Variants in LRRC4C observed in about 807,000 individuals in gnomAD.
The protein encoded by LRRC4C is leucine rich repeat containing 4C.
A neutral mutation model predicts 33.6 loss-of-function variants in LRRC4C; 5 were observed. The observed-to-expected ratio is 0.15, with a 90% confidence interval of 0.08 to 0.31. The LOEUF (loss-of-function observed/expected upper bound fraction) is 0.31, where lower values mean the gene tolerates loss of function less well. Ranked by LOEUF, LRRC4C falls within the 10% of genes least tolerant of loss-of-function variation. The probability of loss-of-function intolerance (pLI) is 1.00; values close to 1 mark genes in which losing one functional copy is unlikely to be tolerated. For synonymous variants in LRRC4C, 329 were observed against 302.0 expected (o/e 1.09, Z -0.93); for missense variants, 560 against 796.7 (o/e 0.70, Z 3.58).
At chr11:40,390,315 G>A (rs550363957) in intron 3 of LRRC4C, among the ~76,000 whole-genome samples, 1 of 152,292 alleles carries the variant, frequency 6.6e-6, no homozygotes, top group South Asian at 2.1e-4. Flanking sequence ...TTAATCTCGA[G>A]TGTTAAACTG....
intron 1 of LRRC4C, among the ~76,000 whole-genome samples, chr11:41,220,058 C>G (rs1169781929): frequency 6.6e-6 from 1 of 152,092 alleles, no homozygotes; most frequent in Non-Finnish European, 1.5e-5. Flanking sequence ...TCTAAGATCA[C>G]TAAATATGAA....
intron 1 of LRRC4C, among the ~76,000 whole-genome samples, chr11:41,163,175 G>T (rs1371531467): frequency 6.6e-6 from 1 of 150,680 alleles, no homozygotes; most frequent in African/African-American, 2.4e-5. Context: ...CCCAGCCTCA[G>T]AATTTAATTA....
At chr11:40,560,736 C>T (rs1272941865) in intron 3 of LRRC4C, among the ~76,000 whole-genome samples, 3 of 152,134 alleles carry the variant, frequency 2.0e-5, no homozygotes, top group South Asian at 4.1e-4. Flanking sequence ...CAGAGATGAT[C>T]ATTCTAATCT....
rs7116871 is a variant in LRRC4C, at chr11:41,293,388, C to T, written c.-496+166043G>A. On this transcript the variant is annotated intron_variant, in intron 1 of 6. Transcript: ENST00000528697. Reference sequence around the variant, plus strand: ...TATAAAATATACATAGATATACATACGGTAAGAATTTAGAAAAACGTATAT... The same window carrying T: ...TATAAAATATACATAGATATACATATGGTAAGAATTTAGAAAAACGTATAT... Among the ~76,000 whole-genome samples the T allele has an allele frequency of 7.6e-3, 1,152 of 151,718 alleles. 10 individuals carry two copies. Among genetic ancestry groups the T allele is most frequent in the African/African-American group, 0.025 (1,054 of 41,398 alleles).
intron 1 of LRRC4C, among the ~76,000 whole-genome samples, chr11:41,357,263 GA>G (rs1952196327): frequency 6.6e-6 from 1 of 152,088 alleles, no homozygotes; most frequent in Non-Finnish European, 1.5e-5. Context: ...AATTAGGAAT[GA>G]AAATAATACT....
intron 1 of LRRC4C, among the ~76,000 whole-genome samples, chr11:41,120,537 T>C (rs1942369788): frequency 6.6e-6 from 1 of 151,972 alleles, no homozygotes. Context: ...TAGGTGCTTA[T>C]TTCTTGTGCT....
intron 3 of LRRC4C, among the ~76,000 whole-genome samples, chr11:40,609,458 A>T (rs909962985): frequency 2.6e-5 from 4 of 152,060 alleles, no homozygotes; most frequent in Non-Finnish European, 5.9e-5. Flanking sequence ...AAAAGAAGAA[A>T]TATCTCAAAT....
chr11:40,563,449 G>A (rs943523276), intron 3 of LRRC4C, among the ~76,000 whole-genome samples: 31 of 152,214 alleles, frequency 2.0e-4, no homozygotes, highest in African/African-American at 7.5e-4. Flanking sequence ...GGTGGAGTGG[G>A]ATGATTATGA....
chr11:41,004,613 A>G, intron 1 of LRRC4C, among the ~76,000 whole-genome samples: 1 of 152,172 alleles, frequency 6.6e-6, no homozygotes, highest in African/African-American at 2.4e-5. Context: ...TGCTTTATTC[A>G]ATTTCACATC....
At chr11:41,152,234 T>C (rs1397893687) in intron 1 of LRRC4C, among the ~76,000 whole-genome samples, 1 of 152,222 alleles carries the variant, frequency 6.6e-6, no homozygotes, top group Admixed American at 6.5e-5. Flanking sequence ...TGATATTGCA[T>C]TGTTATCCTC....
chr11:40,968,818 A>G (rs1230998045), intron 1 of LRRC4C, among the ~76,000 whole-genome samples: 1 of 152,178 alleles, frequency 6.6e-6, no homozygotes, highest in Non-Finnish European at 1.5e-5. Context: ...CTATTCACCC[A>G]AAATCTCTGA....
intron 1 of LRRC4C, among the ~76,000 whole-genome samples, chr11:41,043,400 G>T (rs1462222): frequency 0.72 from 108,943 of 151,996 alleles, 39,316 homozygotes; most frequent in Non-Finnish European, 0.75. Flanking sequence ...AAACTTAAAT[G>T]AAACTTTACT....
chr11:40,451,366 CTTTTTTTTTTTTTTTTTTTTTTTTT>C (rs71060962), intron 3 of LRRC4C, among the ~76,000 whole-genome samples: 1 of 47,088 alleles, frequency 2.1e-5, no homozygotes, highest in South Asian at 1.1e-3. Flanking sequence ...GAAATAATGA[CTTTTTTTTTTTTTTTTTTTTTTTTT>C]TTTTTTTTTT....
intron 2 of LRRC4C, among the ~76,000 whole-genome samples, chr11:40,699,351 C>CA (rs147686517): frequency 0.018 from 2,746 of 152,148 alleles, 77 homozygotes; most frequent in African/African-American, 0.062. Flanking sequence ...CAGCTCAGCA[C>CA]AAAAAATCCC....
intron 2 of LRRC4C, among the ~76,000 whole-genome samples, chr11:40,855,672 T>C (rs1175569221): frequency 3.3e-5 from 5 of 152,284 alleles, no homozygotes; most frequent in African/African-American, 1.2e-4. Context: ...AGGCTGTATG[T>C]TTTTCAAAAG....
At chr11:40,923,975 A>G (rs1169576282) in intron 2 of LRRC4C, among the ~76,000 whole-genome samples, 1 of 151,886 alleles carries the variant, frequency 6.6e-6, no homozygotes, top group Non-Finnish European at 1.5e-5. Flanking sequence ...AGAAAAGAGA[A>G]TGAGCTCAGA....
intron 1 of LRRC4C, among the ~76,000 whole-genome samples, chr11:41,241,791 A>T (rs575548622): frequency 2.3e-4 from 35 of 152,230 alleles, no homozygotes; most frequent in Non-Finnish European, 4.3e-4. Context: ...TATCTTTTGA[A>T]AGGAAGAAAT....
intron 1 of LRRC4C, among the ~76,000 whole-genome samples, chr11:41,302,617 C>T (rs1950318136): frequency 6.6e-6 from 1 of 152,154 alleles, no homozygotes; most frequent in Admixed American, 6.5e-5. Flanking sequence ...GAAGAGATTT[C>T]TATTCTGTTG....
At chr11:40,328,377 A>G (rs1321404966) in intron 3 of LRRC4C, among the ~76,000 whole-genome samples, 1 of 152,216 alleles carries the variant, frequency 6.6e-6, no homozygotes, top group African/African-American at 2.4e-5. Flanking sequence ...AAATCAAGAG[A>G]TGAATTGCCT....
Sources: gnomAD v4.1 joint callset for allele counts (sites outside exome capture counted in the v4.1 genomes callset) on GRCh38, gnomAD v4.1.1 for gene constraint, MANE v1.5 for transcripts, NCBI Gene and HGNC (gene_info 2026-07-23, HGNC 2026-07-21) for gene names.